GLG1: variants seen among roughly 807,000 people sequenced by gnomAD.
GLG1 encodes Golgi apparatus protein 1.
In GLG1, 38 loss-of-function variants were observed where a neutral mutation model predicts 160.5. That is an observed-to-expected ratio of 0.24 (90% CI 0.18 to 0.31). GLG1 has a LOEUF of 0.31. Among genes scored for constraint, GLG1 ranks in the 10% least tolerant of loss-of-function variants. The pLI is 1.00. For synonymous variants in GLG1, 644 were observed against 543.4 expected (o/e 1.19, Z -2.57); for missense variants, 1,373 against 1,505.2 (o/e 0.91, Z 1.45).
intron 1 of GLG1, among the ~76,000 whole-genome samples, chr16:74,598,190 AGT>A (rs1337029565): frequency 6.6e-6 from 1 of 152,212 alleles, no homozygotes; most frequent in Admixed American, 6.6e-5. Context: ...AACACTGAGC[AGT>A]GTCTTGCACA....
At chr16:74,582,267 A>C (rs937052143) in intron 1 of GLG1, among the ~76,000 whole-genome samples, 1 of 152,024 alleles carries the variant, frequency 6.6e-6, no homozygotes, top group East Asian at 2.0e-4. Context: ...CCCAGGTTCA[A>C]GTGATTCTCC....
At chr16:74,530,048 A>C (rs961814023) in intron 2 of GLG1, among the ~76,000 whole-genome samples, 14 of 151,696 alleles carry the variant, frequency 9.2e-5, no homozygotes, top group Admixed American at 5.3e-4. Context: ...ACCTCAGGTG[A>C]TCCACCCAGC....
rs546838537 is a variant in GLG1 at position 74,587,016 on chromosome 16, A to G, written c.438+19641T>C. 2.6e-5 allele frequency among the ~76,000 whole-genome samples: 4 copies of G among 151,694 alleles called. No homozygotes were observed. The South Asian group carries it at 8.4e-4, about 32-fold the overall frequency. On this transcript the variant is annotated intron_variant, in intron 1 of 25. Transcript: ENST00000422840. The stretch of plus-strand genomic sequence containing the variant: ...GGCCTCATTAATCTCTCTTTCTAAC[A>G]AATTCTCCCCATTCCTTCCCACATT...
intron 1 of GLG1, among the ~76,000 whole-genome samples, chr16:74,572,292 C>T (rs1396564957): frequency 1.3e-5 from 2 of 152,244 alleles, no homozygotes; most frequent in African/African-American, 4.8e-5. Context: ...GGGTGGATCA[C>T]CTGAGGTCAG....
At chr16:74,564,283 G>A (rs1365606290) in intron 1 of GLG1, among the ~76,000 whole-genome samples, 3 of 152,122 alleles carry the variant, frequency 2.0e-5, no homozygotes, top group African/African-American at 7.2e-5. Flanking sequence ...CAGTTGTAGG[G>A]GATTAATGAA....
chr16:74,452,806 A>C lies in GLG1; in HGVS notation c.*361T>G, dbSNP rs1715945108. On this transcript the variant is annotated 3_prime_UTR_variant, in exon 26 of 26. Coordinates refer to ENST00000422840, the MANE Select transcript of GLG1 (RefSeq NM_001145667.2). ...CTATATACATTTTTTTCTTTAAAAA[A>C]ATTTTTTTTTTTGGTGGTTTTCTTA... 15 of 1,009,018 alleles carry C rather than the reference A, an allele frequency of 1.5e-5. No homozygotes were observed. The highest frequency in any genetic ancestry group is 1.7e-5 in the Non-Finnish European group (14 of 845,206). 62.5% of individuals were successfully genotyped at this position (1,009,018 alleles called of 1,614,324 possible). A position where few individuals can be genotyped will look rare whatever the true frequency, so the allele number is the denominator to read the frequency against.
chr16:74,507,591 C>T (rs1048723110), intron 3 of GLG1, among the ~76,000 whole-genome samples: 2 of 152,086 alleles, frequency 1.3e-5, no homozygotes, highest in African/African-American at 4.8e-5. Context: ...CAAAAATTAG[C>T]CAGTCCTGGT....
At chr16:74,515,955 A>G (rs907711088) in intron 2 of GLG1, among the ~76,000 whole-genome samples, 5 of 151,302 alleles carry the variant, frequency 3.3e-5, no homozygotes, top group Non-Finnish European at 7.4e-5. Context: ...AAAGAGACAA[A>G]GAAAGCCATT....
intron 6 of GLG1, among the ~76,000 whole-genome samples, chr16:74,494,219 CCACAGTGAGAACCCTACTTGGCTTCT>C (rs1202079719): frequency 6.6e-6 from 1 of 151,540 alleles, no homozygotes; most frequent in African/African-American, 2.4e-5. Context: ...AAAAAAACCA[CCACAGTGAGAACCCTACTTGGCTTCT>C]CACTATCTAG....
chr16:74,526,305 G>A (rs1006893158), intron 2 of GLG1, among the ~76,000 whole-genome samples: 23 of 146,720 alleles, frequency 1.6e-4, no homozygotes, highest in African/African-American at 5.1e-4. Context: ...CTATGAGGCA[G>A]GCATTCAGTA....
intron 1 of GLG1, among the ~76,000 whole-genome samples, chr16:74,560,532 T>C (rs978407778): frequency 6.6e-5 from 10 of 151,898 alleles, no homozygotes; most frequent in Admixed American, 6.6e-4. Flanking sequence ...TTTGTAGAGA[T>C]GGGTTTCAGC....
intron 1 of GLG1, among the ~76,000 whole-genome samples, chr16:74,604,691 A>G (rs1959555919): frequency 6.6e-6 from 1 of 152,214 alleles, no homozygotes; most frequent in Admixed American, 6.5e-5. Context: ...TCTTTCAAAC[A>G]CATAGATCAG....
At chr16:74,559,979 A>AT (rs1185238765) in intron 1 of GLG1, among the ~76,000 whole-genome samples, 2 of 152,234 alleles carry the variant, frequency 1.3e-5, no homozygotes, top group African/African-American at 4.8e-5. Flanking sequence ...CTTACTTTAT[A>AT]TAGTGCAATC....
At chr16:74,512,315 T>C (rs986134906) in intron 2 of GLG1, among the ~76,000 whole-genome samples, 1 of 150,864 alleles carries the variant, frequency 6.6e-6, no homozygotes. Context: ...AGAAGTACAG[T>C]GATGCAAGTG....
intron 1 of GLG1, among the ~76,000 whole-genome samples, chr16:74,585,913 A>T (rs1199179564): frequency 1.3e-5 from 2 of 151,912 alleles, no homozygotes; most frequent in African/African-American, 2.4e-5. Context: ...AAATACAAAA[A>T]TTAGCCAGGT....
intron 1 of GLG1, among the ~76,000 whole-genome samples, chr16:74,544,893 TATA>T (rs1235563097): frequency 1.3e-5 from 2 of 151,966 alleles, no homozygotes; most frequent in African/African-American, 4.8e-5. Flanking sequence ...AATCTATAAT[TATA>T]ATAATAATTA....
chr16:74,597,099 A>T (rs1958323414), intron 1 of GLG1, among the ~76,000 whole-genome samples: 1 of 151,976 alleles, frequency 6.6e-6, no homozygotes, highest in South Asian at 2.1e-4. Context: ...AGCCTGGGCA[A>T]GAGAGTGAGA....
intron 1 of GLG1, 42 bp downstream of exon 1, chr16:74,606,615 C>T (rs1224891689): frequency 2.0e-6 from 3 of 1,497,960 alleles, no homozygotes; most frequent in Non-Finnish European, 1.8e-6. Flanking sequence ...CCCTCGGGCC[C>T]GCACCAGGCC....
Position 74,595,924 on chromosome 16 carries a change from G to T in GLG1, c.438+10733C>A, listed in dbSNP as rs959054438. On this transcript the variant is annotated intron_variant, in intron 1 of 25. Coordinates refer to ENST00000422840, the MANE Select transcript of GLG1 (RefSeq NM_001145667.2). ...GGATCACCTGAGGTCAGGAGTTCGA[G>T]ATCAGCCTGGCCAACATGGCGAAAC... Among the ~76,000 whole-genome samples the T allele has an allele frequency of 6.6e-5, 10 of 152,222 alleles. No individual in the cohort carries two copies. In the East Asian group the frequency reaches 1.5e-3, roughly 24 times the overall value.
Sources: allele counts gnomAD v4.1 joint callset (sites outside exome capture counted in the v4.1 genomes callset), GRCh38; gene constraint gnomAD v4.1.1; transcripts MANE v1.5; gene names NCBI Gene and HGNC (gene_info 2026-07-23, HGNC 2026-07-21).